The following TC2N variants were observed in gnomAD, a reference collection of about 807,000 sequenced individuals.
The protein encoded by TC2N is tandem C2 domains, nuclear, also known as tandem C2 domains nuclear protein.
Under a neutral mutation model 61.9 loss-of-function variants are expected in TC2N, and 51 were observed. The ratio of observed to expected loss-of-function variants is 0.82; its 90% CI spans 0.66 to 1.04. TC2N has a LOEUF of 1.04. Ranked by LOEUF, TC2N falls within the 50% of genes least tolerant of loss-of-function variation. The probability of loss-of-function intolerance (pLI) is 0.00; values close to 1 mark genes in which losing one functional copy is unlikely to be tolerated. For missense variants in TC2N, 556 were observed against 566.7 expected (o/e 0.98, Z 0.19); for synonymous variants, 204 against 192.6 (o/e 1.06, Z -0.49).
chr14:91,822,128 C>G (rs1315161482), intron 1 of TC2N, among the ~76,000 whole-genome samples: 1 of 152,120 alleles, frequency 6.6e-6, no homozygotes, highest in Non-Finnish European at 1.5e-5. Context: ...GCTACATGAT[C>G]CAGACATGCC....
chr14:91,793,066 T>A (rs1033856884), intron 8 of TC2N, among the ~76,000 whole-genome samples: 7 of 152,228 alleles, frequency 4.6e-5, no homozygotes, highest in African/African-American at 1.7e-4. Context: ...TGGTGACATT[T>A]ATTCCACCCT....
At chr14:91,859,633 A>G (rs778321043) in intron 1 of TC2N, among the ~76,000 whole-genome samples, 2 of 152,202 alleles carry the variant, frequency 1.3e-5, no homozygotes, top group East Asian at 1.9e-4. Context: ...GGTGGAAACT[A>G]CACCACAGGG....
At chr14:91,809,402 T>C (rs1029071532) in intron 3 of TC2N, among the ~76,000 whole-genome samples, 2 of 152,054 alleles carry the variant, frequency 1.3e-5, no homozygotes, top group Admixed American at 6.5e-5. Context: ...AGTGAGACTC[T>C]GTCTCAAAAA....
At chr14:91,802,135 G>T in intron 4 of TC2N, 119 bp downstream of exon 4, 1 of 865,036 alleles carries the variant, frequency 1.2e-6, no homozygotes, top group Non-Finnish European at 1.6e-6. Flanking sequence ...TATGAAGCTT[G>T]TTTTCTTATT....
chr14:91,807,036 G>A (rs1595241146), intron 3 of TC2N, among the ~76,000 whole-genome samples: 1 of 152,262 alleles, frequency 6.6e-6, no homozygotes, highest in East Asian at 1.9e-4. Context: ...CATGGCTTCA[G>A]AGGGTGGAAG....
chr14:91,785,901 G>GA (rs1885342880), intron 10 of TC2N, among the ~76,000 whole-genome samples: 3 of 152,174 alleles, frequency 2.0e-5, no homozygotes, highest in Non-Finnish European at 4.4e-5. Flanking sequence ...ACTAAAAGCA[G>GA]AAAGAAACTG....
At chr14:91,812,937 T>TATGACCC (rs1282466723) in intron 2 of TC2N, among the ~76,000 whole-genome samples, 4 of 151,898 alleles carry the variant, frequency 2.6e-5, no homozygotes, top group African/African-American at 9.7e-5. Context: ...TCGTAGCTTC[T>TATGACCC]ATGACCCATT....
intron 3 of TC2N, among the ~76,000 whole-genome samples, chr14:91,810,863 T>C (rs1417169588): frequency 6.7e-6 from 1 of 149,498 alleles, no homozygotes; most frequent in Non-Finnish European, 1.5e-5. Flanking sequence ...GAAAAAAAGA[T>C]ACTTGAAAAA....
At chr14:91,803,702 C>T (rs1053027870) in intron 3 of TC2N, among the ~76,000 whole-genome samples, 2 of 151,920 alleles carry the variant, frequency 1.3e-5, no homozygotes, top group South Asian at 2.1e-4. Context: ...AGTGATCCAC[C>T]GCCTCAGCCT....
chr14:91,787,532 T>C lies in TC2N; in HGVS notation c.1143A>G (p.Ser381=). 1 of 1,603,736 alleles carries C rather than the reference T, an allele frequency of 6.2e-7. No homozygotes were observed. Among genetic ancestry groups the C allele is most frequent in the Non-Finnish European group, 8.5e-7 (1 of 1,172,836 alleles). ...QILEARYLPS[S]STPLTLSFFV... is the part of the protein sequence containing the mutation. ...ACTTACTCAAAGTCAGAGGTGTTGA[T>C]GAGCTTGGAAGGTACCGTGCCTCAA... Residue 381 remains serine, a synonymous_variant, in exon 10 of 12, where the codon TCA becomes TCG. Coordinates refer to ENST00000435962, the MANE Select transcript of TC2N (RefSeq NM_001128596.3).
At chr14:91,806,589 A>G (rs1886516192) in intron 3 of TC2N, among the ~76,000 whole-genome samples, 1 of 152,192 alleles carries the variant, frequency 6.6e-6, no homozygotes, top group Non-Finnish European at 1.5e-5. Context: ...GATTTCCGAA[A>G]CTTTGAACTT....
intron 1 of TC2N, among the ~76,000 whole-genome samples, chr14:91,830,747 T>A (rs956615119): frequency 3.3e-5 from 5 of 152,234 alleles, no homozygotes; most frequent in Non-Finnish European, 7.3e-5. Flanking sequence ...TAAATTTACA[T>A]CTTGAAATAT....
intron 1 of TC2N, among the ~76,000 whole-genome samples, chr14:91,832,186 C>T (rs1000503743): frequency 3.3e-4 from 50 of 151,980 alleles, no homozygotes; most frequent in African/African-American, 1.2e-3. Context: ...GTCAGGAGTT[C>T]GAGACCAGCC....
rs571549822 is a variant in TC2N at position 91,796,520 on chromosome 14, G to C, written c.855+1265C>G. Among the ~76,000 whole-genome samples, 7 of 152,214 alleles carry C rather than the reference G, an allele frequency of 4.6e-5. No homozygotes were observed. The South Asian group carries it at 1.4e-3, about 32-fold the overall frequency. On this transcript the variant is annotated intron_variant, in intron 8 of 11. Coordinates refer to ENST00000435962, the MANE Select transcript of TC2N (RefSeq NM_001128596.3). ...CTCATTTGGAAACAGGGTCACTGTAGATGTGATCAGTGAAGTTAAGAAAAG... is the reference window on the plus strand; with the variant it reads ...CTCATTTGGAAACAGGGTCACTGTACATGTGATCAGTGAAGTTAAGAAAAG...
chr14:91,796,263 C>T (rs1566764230), intron 8 of TC2N, among the ~76,000 whole-genome samples: 1 of 151,924 alleles, frequency 6.6e-6, no homozygotes, highest in Non-Finnish European at 1.5e-5. Context: ...TATACATATA[C>T]ACATACATAC....
intron 7 of TC2N, 75 bp from the exon 8 acceptor site, chr14:91,797,976 T>C (rs1885995183): frequency 2.0e-6 from 2 of 998,766 alleles, no homozygotes; most frequent in Admixed American, 4.8e-5. Flanking sequence ...TTTCTTGAGG[T>C]ACTGACTTTA....
At chr14:91,802,517 C>T in intron 3 of TC2N, 96 bp from the exon 4 acceptor site, 3 of 1,070,740 alleles carry the variant, frequency 2.8e-6, no homozygotes, top group Non-Finnish European at 4.1e-6. Context: ...AATATTTTGT[C>T]TCAAGTAATA....
At chr14:91,785,017 T>G in intron 11 of TC2N, 145 bp downstream of exon 11, 1 of 549,134 alleles carries the variant, frequency 1.8e-6, no homozygotes. Context: ...TCTGACAAGT[T>G]TCGATTTTTG....
chr14:91,864,167 G>A (rs1169636778), intron 1 of TC2N, among the ~76,000 whole-genome samples: 1 of 152,172 alleles, frequency 6.6e-6, no homozygotes, highest in African/African-American at 2.4e-5. Context: ...AGTCTCTGGA[G>A]GGAACCAAAC....
Sources: allele counts gnomAD v4.1 joint callset (sites outside exome capture counted in the v4.1 genomes callset), GRCh38; gene constraint gnomAD v4.1.1; transcripts MANE v1.5; gene names NCBI Gene and HGNC (gene_info 2026-07-23, HGNC 2026-07-21).